The following COLEC12 variants were observed in gnomAD, a reference collection of about 807,000 sequenced individuals.
The protein encoded by COLEC12 is collectin subfamily member 12, also known as collectin-12.
COLEC12 carries 33 observed loss-of-function variants against 71.1 expected under a neutral mutation model. That is an observed-to-expected ratio of 0.46 (90% CI 0.35 to 0.62). COLEC12 has a LOEUF of 0.62. Among genes scored for constraint, COLEC12 ranks in the 20% least tolerant of loss-of-function variants. The pLI is 0.00. For missense variants in COLEC12, 765 were observed against 916.1 expected, an observed-to-expected ratio of 0.84 and a Z score of 2.13; for synonymous variants, 350 against 353.0, an observed-to-expected ratio of 0.99 and a Z score of 0.10.
At chr18:463,348 G>A (rs1425434636) in intron 2 of COLEC12, among the ~76,000 whole-genome samples, 1 of 152,154 alleles carries the variant, frequency 6.6e-6, no homozygotes, top group Admixed American at 6.5e-5. Flanking sequence ...TAGTTGCTTA[G>A]TAATAAGTGC....
chr18:493,460 A>G (rs1276277519), intron 1 of COLEC12, among the ~76,000 whole-genome samples: 6 of 152,232 alleles, frequency 3.9e-5, no homozygotes, highest in African/African-American at 1.4e-4. Flanking sequence ...TGTAATCTGA[A>G]ATATGAACTA....
At chr18:458,142 T>A (rs568722386) in intron 2 of COLEC12, among the ~76,000 whole-genome samples, 87 of 152,314 alleles carry the variant, frequency 5.7e-4, no homozygotes, top group Middle Eastern at 6.8e-3. Context: ...TCACTTGTGA[T>A]CTGATTTTGT....
intron 2 of COLEC12, chr18:424,023 T>C (rs976766331): frequency 3.3e-4 from 50 of 152,372 alleles, no homozygotes; most frequent in African/African-American, 1.2e-3. Context: ...TGAGCATTCA[T>C]AGCTGCCACT....
At chr18:448,293 C>T (rs554604036) in intron 2 of COLEC12, among the ~76,000 whole-genome samples, 3 of 152,284 alleles carry the variant, frequency 2.0e-5, no homozygotes, top group East Asian at 1.9e-4. Flanking sequence ...GGCAAACGAG[C>T]GTTCGCTAAA....
At chr18:420,938 C>T (rs541971954) in intron 2 of COLEC12, among the ~76,000 whole-genome samples, 13 of 152,238 alleles carry the variant, frequency 8.5e-5, no homozygotes, top group South Asian at 8.3e-4. Context: ...CTAATCATCC[C>T]AGGGCCAGGT....
intron 6 of COLEC12, 134 bp from the exon 7 acceptor site, chr18:333,277 C>CTG: frequency 1.4e-6 from 1 of 692,120 alleles, no homozygotes; most frequent in South Asian, 1.9e-5. Flanking sequence ...AGGCCCACAG[C>CTG]TGACGTTCAC....
chr18:385,869 G>T (rs906554650), intron 2 of COLEC12, among the ~76,000 whole-genome samples: 2 of 145,648 alleles, frequency 1.4e-5, no homozygotes, highest in South Asian at 2.1e-4. Flanking sequence ...ACAAAGAGGG[G>T]TGTCAGAATG....
At chr18:371,725 T>C (rs1400199480) in intron 2 of COLEC12, among the ~76,000 whole-genome samples, 3 of 152,148 alleles carry the variant, frequency 2.0e-5, no homozygotes, top group Non-Finnish European at 4.4e-5. Context: ...GGAATGTCCC[T>C]GCCAGCGGGT....
chr18:391,216 C>A (rs1915456870), intron 2 of COLEC12, among the ~76,000 whole-genome samples: 1 of 152,118 alleles, frequency 6.6e-6, no homozygotes, highest in Non-Finnish European at 1.5e-5. Flanking sequence ...ACTCTCAATG[C>A]TTTGAGCCAA....
intron 2 of COLEC12, among the ~76,000 whole-genome samples, chr18:477,906 G>C (rs1239967410): frequency 6.6e-6 from 1 of 152,142 alleles, no homozygotes; most frequent in Middle Eastern, 3.2e-3. Flanking sequence ...CTATCAACCT[G>C]CTGCATGGAA....
chr18:386,936 T>C (rs1915357207), intron 2 of COLEC12, among the ~76,000 whole-genome samples: 1 of 152,166 alleles, frequency 6.6e-6, no homozygotes, highest in South Asian at 2.1e-4. Context: ...ATTGAGGGGT[T>C]CTCCACGTAG....
intron 2 of COLEC12, among the ~76,000 whole-genome samples, chr18:434,928 G>A (rs1045468101): frequency 2.0e-5 from 3 of 152,004 alleles, no homozygotes; most frequent in African/African-American, 7.3e-5. Flanking sequence ...ATTCCCAGAA[G>A]TGCCCCACCT....
rs139674902 is a variant in COLEC12 at position 485,880 on chromosome 18, A to C, written c.8-5123T>G. 3.7e-3 allele frequency among the ~76,000 whole-genome samples: 564 copies of C among 152,330 alleles called. 6 individuals are homozygous for C. The highest frequency in any genetic ancestry group is 0.013 in the African/African-American group (540 of 41,570). ...ACTTAACTCTATCTGCCTTATATCC[A>C]GTTCTGGTTCGGACTCCTCCATATG... is the stretch of plus-strand genomic sequence containing the variant. On this transcript the variant is annotated intron_variant, in intron 1 of 9. Transcript: ENST00000400256.
intron 2 of COLEC12, among the ~76,000 whole-genome samples, chr18:429,395 T>C (rs1916258717): frequency 1.3e-5 from 2 of 152,172 alleles, no homozygotes; most frequent in Admixed American, 1.3e-4. Context: ...TTTCTTTTTT[T>C]TTTTAAGACA....
intron 2 of COLEC12, among the ~76,000 whole-genome samples, chr18:431,854 TC>T (rs1464090026): frequency 2.6e-5 from 4 of 152,188 alleles, no homozygotes; most frequent in Non-Finnish European, 5.9e-5. Flanking sequence ...CTTATTGAAC[TC>T]TTGCCATGTG....
chr18:332,913 G>A lies in COLEC12; in HGVS notation c.1953+94C>T, dbSNP rs867458308. ...CCCATGTTTACGTGACTAGGAATTCGTGATATCTCTGAATCCCCAACAAGC... is the reference window on the plus strand; with the variant it reads ...CCCATGTTTACGTGACTAGGAATTCATGATATCTCTGAATCCCCAACAAGC... On this transcript the variant is annotated intron_variant, in intron 7 of 9. Transcript: ENST00000400256. The A allele has an allele frequency of 1.5e-4, 175 of 1,152,322 alleles. 1 individual carries two copies. The African/African-American group carries it at 1.8e-3, about 12-fold the overall frequency. The allele number at this position is 1,152,322 out of a possible 1,614,324, so 71.4% of individuals were successfully genotyped here.
chr18:476,933 T>C (rs1052022307), intron 2 of COLEC12, among the ~76,000 whole-genome samples: 1 of 152,104 alleles, frequency 6.6e-6, no homozygotes, highest in Admixed American at 6.5e-5. Context: ...CTCACTTAAT[T>C]AACCCTTCAA....
At position 481,184 on chromosome 18, in the gene COLEC12, T is replaced by C. The variant is rs1480955049; in HGVS notation, c.8-427A>G. On this transcript the variant is annotated intron_variant, in intron 1 of 9. Coordinates refer to ENST00000400256, the MANE Select transcript of COLEC12 (RefSeq NM_130386.3). ...ACCGCCAAAGGGGTTAAGTTATCTT[T>C]AGGCAACTCACCCTAAAGCCCCTGT... is the stretch of plus-strand genomic sequence containing the variant. Among the ~76,000 whole-genome samples the C allele has an allele frequency of 3.3e-5, 5 of 152,314 alleles. 1 individual carries two copies. Among genetic ancestry groups the C allele is most frequent in the African/African-American group, 1.2e-4 (5 of 41,564 alleles).
intron 2 of COLEC12, among the ~76,000 whole-genome samples, chr18:409,957 C>A (rs1386585125): frequency 6.6e-6 from 1 of 152,146 alleles, no homozygotes; most frequent in African/African-American, 2.4e-5. Context: ...GCAAAACTGG[C>A]TTCGAGACCT....
Sources: gnomAD v4.1 joint callset for allele counts (sites outside exome capture counted in the v4.1 genomes callset) on GRCh38, gnomAD v4.1.1 for gene constraint, MANE v1.5 for transcripts, NCBI Gene and HGNC (gene_info 2026-07-23, HGNC 2026-07-21) for gene names.